The following CSF2RA variants were observed in gnomAD, a reference collection of about 807,000 sequenced individuals.
CSF2RA encodes colony stimulating factor 2 receptor subunit alpha.
A neutral mutation model predicts 51.6 loss-of-function variants in CSF2RA; 42 were observed. That is an observed-to-expected ratio of 0.81 (90% CI 0.64 to 1.05). The LOEUF is 1.05. Ranked by LOEUF, CSF2RA falls within the 50% of genes least tolerant of loss-of-function variation. The pLI is 0.00. For synonymous variants in CSF2RA, 222 were observed against 193.0 expected, an observed-to-expected ratio of 1.15 and a Z score of -1.24; for missense variants, 530 against 501.1, an observed-to-expected ratio of 1.06 and a Z score of -0.55.
At chrX:1,292,638 C>T (rs28497651) in intron 7 of CSF2RA, among the ~76,000 whole-genome samples, 24,262 of 151,998 alleles carry the variant, frequency 0.16, 2,034 homozygotes, top group East Asian at 0.25. Flanking sequence ...TCCACACAAA[C>T]ATCAGTGTAG....
chrX:1,325,157 G>A, the CSF2RA span, among the ~76,000 whole-genome samples: 5 of 150,638 alleles, frequency 3.3e-5, no homozygotes, highest in African/African-American at 9.8e-5. Context: ...TCGGGAGATC[G>A]AGACCAGCCT....
chrX:1,309,416 A>T lies in CSF2RA; in HGVS notation c.1140A>T (p.Glu380Asp), dbSNP rs1271021774. Residue 380 changes from glutamate to aspartate, a missense_variant, in exon 13 of 13, where the codon GAA becomes GAT. Physicochemically the swap from Glu to Asp is conservative, Grantham distance 45 (BLOSUM62 2). Transcript: ENST00000381529. ...CTTTTTCTCAGATCATCTGGGAGGA[A>T]TTCACCCCAGAGGAAGGGAAAGGCT... ...HEVEDEIIWEEFTPEEGKGYR... is the reference protein window; with the variant it reads ...HEVEDEIIWEDFTPEEGKGYR... 6.2e-7 allele frequency: 1 copy of T among 1,613,934 alleles called. No individual in the cohort carries two copies. Among genetic ancestry groups the T allele is most frequent in the Admixed American group, 1.7e-5 (1 of 59,998 alleles).
downstream of CSF2RA, among the ~76,000 whole-genome samples, chrX:1,314,096 C>T (rs2084303840): frequency 6.6e-6 from 1 of 152,144 alleles, no homozygotes. Flanking sequence ...CCCCTGAAGG[C>T]TGTGGCGATC....
At chrX:1,308,704 C>T (rs2083923444) in intron 12 of CSF2RA, among the ~76,000 whole-genome samples, 1 of 152,142 alleles carries the variant, frequency 6.6e-6, no homozygotes, top group East Asian at 1.9e-4. Context: ...CCACGCCAGC[C>T]TCCTCCCCGG....
At chrX:1,305,850 G>A (rs1418343261) in intron 12 of CSF2RA, 9 of 1,467,270 alleles carry the variant, frequency 6.1e-6, no homozygotes, top group Non-Finnish European at 8.4e-6. Context: ...GGAGGTTGAG[G>A]CATGTGGATC....
At chrX:1,272,381 C>CAAA (rs56208355) in intron 1 of CSF2RA, among the ~76,000 whole-genome samples, 37 of 142,760 alleles carry the variant, frequency 2.6e-4, no homozygotes, top group African/African-American at 3.9e-4. Context: ...GATCCTGGTA[C>CAAA]AAAAAAAAAA....
intron 10 of CSF2RA, among the ~76,000 whole-genome samples, chrX:1,301,556 G>A (rs1293497678): frequency 2.2e-4 from 33 of 148,656 alleles, no homozygotes; most frequent in Non-Finnish European, 3.7e-4. Flanking sequence ...TCACCATTCC[G>A]GCTCCCTGGC....
chrX:1,320,026 G>T, the CSF2RA span, among the ~76,000 whole-genome samples: 1 of 138,106 alleles, frequency 7.2e-6, no homozygotes, highest in Non-Finnish European at 1.7e-5. Context: ...CTTCCGAGTA[G>T]CTGGGACTAC....
rs752104115 is a variant in CSF2RA at position 1,284,195 on chromosome X, CTTTTT to C, written c.76+1438_76+1442del. ...CAAGCGGTTTTCTTTCTCTGTCTCT[CTTTTT>C]TTTTTTTTTTTTTTTTTTTTTGAGA... On this transcript the variant is annotated intron_variant, in intron 3 of 12. Transcript: ENST00000381529. 3.6e-4 allele frequency among the ~76,000 whole-genome samples: 33 copies of C among 91,786 alleles called. 6 individuals carry two copies. Among genetic ancestry groups the C allele is most frequent in the Admixed American group, 8.5e-4 (6 of 7,086 alleles). The allele number at this position is 91,786 out of a possible 152,430, so 60.2% of individuals were successfully genotyped here.
chrX:1,295,708 G>C (rs1432568810), intron 9 of CSF2RA: 5 of 674,228 alleles, frequency 7.4e-6, no homozygotes, highest in African/African-American at 7.2e-5. Flanking sequence ...ACCACACCTA[G>C]TGTAAGGAGG....
chrX:1,304,404 C>A (rs2083339017), intron 11 of CSF2RA, among the ~76,000 whole-genome samples: 1 of 144,714 alleles, frequency 6.9e-6, no homozygotes, highest in Non-Finnish European at 1.5e-5. Context: ...CATCTCAAAA[C>A]AAACAAAAGA....
intron 9 of CSF2RA, 34 bp from the exon 10 acceptor site, chrX:1,300,457 A>T: frequency 6.2e-7 from 1 of 1,613,628 alleles, no homozygotes; most frequent in Non-Finnish European, 8.5e-7. Context: ...CACACAGAAG[A>T]CGCCTATCTC....
At position 1,287,881 on chromosome X, in the gene CSF2RA, T is replaced by C. The variant is rs1428580196; in HGVS notation, c.220-638T>C. ...CCTCCCGAGTAGCAGGGATTACAGG[T>C]GCCTGCCACCACACCTGGCTAATTT... On this transcript the variant is annotated intron_variant, in intron 4 of 12. Transcript: ENST00000381529. Among the ~76,000 whole-genome samples the C allele has an allele frequency of 1.4e-4, 18 of 131,692 alleles. 1 individual carries two copies. Among genetic ancestry groups the C allele is most frequent in the South Asian group, 2.5e-4 (1 of 4,030 alleles). 86.4% of individuals were successfully genotyped at this position (131,692 alleles called of 152,430 possible).
In CSF2RA at chrX:1,274,766, A is replaced by G. The variant is rs775631854; in HGVS notation, c.-79A>G. On this transcript the variant is annotated 5_prime_UTR_variant, in exon 2 of 13. Transcript: ENST00000381529. ...TTTACCTTTCACAGTTTACAGCAGG[A>G]AAATCCGTGGAGACAGCAGATCCGA... 8.8e-6 allele frequency: 4 copies of G among 453,434 alleles called. No homozygotes were observed. Among genetic ancestry groups the G allele is most frequent in the South Asian group, 4.7e-5 (3 of 64,444 alleles). The allele number at this position is 453,434 out of a possible 1,614,324, so 28.1% of individuals were successfully genotyped here. A position where few individuals can be genotyped will look rare whatever the true frequency, so the allele number is the denominator to read the frequency against.
intron 7 of CSF2RA, among the ~76,000 whole-genome samples, chrX:1,291,278 T>TC (rs1192066280): frequency 3.5e-5 from 2 of 56,908 alleles, no homozygotes; most frequent in Admixed American, 1.5e-4. Flanking sequence ...CTTTCTTCTT[T>TC]TTTCTTCCTT....
At chrX:1,303,578 G>A (rs1381091680) in intron 10 of CSF2RA, among the ~76,000 whole-genome samples, 1 of 152,024 alleles carries the variant, frequency 6.6e-6, no homozygotes, top group African/African-American at 2.4e-5. Flanking sequence ...GTTTCACCAT[G>A]TTGGTCAGGC....
At chrX:1,320,921 C>A in the CSF2RA span, among the ~76,000 whole-genome samples, 1 of 151,790 alleles carries the variant, frequency 6.6e-6, no homozygotes, top group Non-Finnish European at 1.5e-5. Flanking sequence ...CTCACTGCAA[C>A]CTCCACCTCC....
chrX:1,277,358 G>T lies in CSF2RA; in HGVS notation c.-27+2540G>T, dbSNP rs753658981. ...CACACCTGTAATCCCAGCACCTTGGGAGGCAGAGGCGGGCGGATCACGAGG... is the reference window on the plus strand; with the variant it reads ...CACACCTGTAATCCCAGCACCTTGGTAGGCAGAGGCGGGCGGATCACGAGG... On this transcript the variant is annotated intron_variant, in intron 2 of 12. Transcript: ENST00000381529. Among the ~76,000 whole-genome samples, 3 of 151,988 alleles carry T rather than the reference G, an allele frequency of 2.0e-5. No individual in the cohort carries two copies. The East Asian group carries it at 5.8e-4, about 30-fold the overall frequency.
chrX:1,303,596 G>A (rs76911372), intron 10 of CSF2RA, among the ~76,000 whole-genome samples: 7 of 152,050 alleles, frequency 4.6e-5, no homozygotes, highest in Admixed American at 1.3e-4. Context: ...GGCTGGTCTC[G>A]AACTCCCAAC....
Sources: allele counts gnomAD v4.1 joint callset (sites outside exome capture counted in the v4.1 genomes callset), GRCh38; gene constraint gnomAD v4.1.1; transcripts MANE v1.5; gene names NCBI Gene and HGNC (gene_info 2026-07-23, HGNC 2026-07-21).